The following WWOX variants were observed in gnomAD, a reference collection of about 807,000 sequenced individuals.
WWOX encodes WW domain-containing oxidoreductase.
Under a neutral mutation model 46.2 loss-of-function variants are expected in WWOX, and 69 were observed. The observed-to-expected ratio is 1.49, with a 90% CI of 1.23 to 1.82. The LOEUF is 1.82. WWOX is among the 40% of genes most tolerant of loss of function. The pLI, the probability that WWOX is intolerant of heterozygous loss-of-function variation, is 0.00. For synonymous variants in WWOX, 359 were observed against 202.6 expected (o/e 1.77, Z -6.56); for missense variants, 919 against 542.6 (o/e 1.69, Z -6.89).
intron 8 of WWOX, among the ~76,000 whole-genome samples, chr16:78,912,525 C>T (rs2045138703): frequency 6.6e-6 from 1 of 151,864 alleles, no homozygotes; most frequent in African/African-American, 2.4e-5. Flanking sequence ...GCCAGCTCCT[C>T]CGCTCTTCCC....
intron 5 of WWOX, among the ~76,000 whole-genome samples, chr16:78,334,463 A>G (rs2080832803): frequency 6.6e-6 from 1 of 152,204 alleles, no homozygotes; most frequent in Non-Finnish European, 1.5e-5. Flanking sequence ...TACAGCAAGC[A>G]CTTTCGGTGA....
At chr16:78,568,221 A>G (rs1018987530) in intron 8 of WWOX, among the ~76,000 whole-genome samples, 1 of 152,132 alleles carries the variant, frequency 6.6e-6, no homozygotes, top group Non-Finnish European at 1.5e-5. Context: ...TGTGCATAGT[A>G]ACTGCCTTGA....
intron 5 of WWOX, among the ~76,000 whole-genome samples, chr16:78,303,202 A>G (rs1597458992): frequency 6.6e-6 from 1 of 152,334 alleles, no homozygotes; most frequent in South Asian, 2.1e-4. Flanking sequence ...AATAAAATCT[A>G]TCTCTAATTT....
chr16:79,040,929 A>G (rs982595586), intron 8 of WWOX, among the ~76,000 whole-genome samples: 3 of 152,078 alleles, frequency 2.0e-5, no homozygotes, highest in African/African-American at 7.2e-5. Flanking sequence ...GGACGCATCC[A>G]TGGATGGAGC....
At chr16:79,059,579 C>G (rs1335978763) in intron 8 of WWOX, among the ~76,000 whole-genome samples, 8 of 152,208 alleles carry the variant, frequency 5.3e-5, no homozygotes. Flanking sequence ...CAGCCTCCGC[C>G]TTCCGGGTTC....
chr16:78,154,141 T>C (rs1329009199), intron 4 of WWOX, among the ~76,000 whole-genome samples: 1 of 152,180 alleles, frequency 6.6e-6, no homozygotes, highest in Non-Finnish European at 1.5e-5. Context: ...CAGGGCACCT[T>C]GGACACCTAG....
At chr16:78,218,107 T>G (rs928459241) in intron 5 of WWOX, among the ~76,000 whole-genome samples, 3 of 152,124 alleles carry the variant, frequency 2.0e-5, no homozygotes, top group African/African-American at 4.8e-5. Context: ...CAGGCTAGAA[T>G]GCAGTGGTGC....
chr16:78,199,735 T>TA (rs1029123225), intron 5 of WWOX, among the ~76,000 whole-genome samples: 7 of 151,952 alleles, frequency 4.6e-5, no homozygotes, highest in African/African-American at 1.5e-4. Flanking sequence ...CCCCTTCCCA[T>TA]AAAAAAAATC....
chr16:79,194,651 C>T (rs1193339975), intron 8 of WWOX, among the ~76,000 whole-genome samples: 1 of 152,194 alleles, frequency 6.6e-6, no homozygotes, highest in Non-Finnish European at 1.5e-5. Context: ...TGTGAACTGG[C>T]TCATTTCTCA....
At chr16:79,041,474 T>C (rs1336305498) in intron 8 of WWOX, among the ~76,000 whole-genome samples, 1 of 152,128 alleles carries the variant, frequency 6.6e-6, no homozygotes, top group African/African-American at 2.4e-5. Flanking sequence ...AGTTTCTCAT[T>C]AGGAACCTGG....
At chr16:78,846,491 C>T (rs371178162) in intron 8 of WWOX, among the ~76,000 whole-genome samples, 3 of 152,040 alleles carry the variant, frequency 2.0e-5, no homozygotes, top group Admixed American at 6.5e-5. Flanking sequence ...GTAGAATGCC[C>T]GTAATTTGGG....
intron 8 of WWOX, among the ~76,000 whole-genome samples, chr16:78,948,723 C>T (rs996120411): frequency 3.3e-5 from 5 of 152,174 alleles, no homozygotes; most frequent in East Asian, 1.9e-4. Flanking sequence ...CTTTGGCCCT[C>T]GACATCTCCT....
At chr16:78,110,661 C>T (rs1160541862) in intron 3 of WWOX, among the ~76,000 whole-genome samples, 1 of 152,200 alleles carries the variant, frequency 6.6e-6, no homozygotes, top group Non-Finnish European at 1.5e-5. Context: ...ATAGTAACCA[C>T]CTGTCCAACA....
intron 8 of WWOX, among the ~76,000 whole-genome samples, chr16:78,847,565 C>G (rs1336183379): frequency 1.3e-5 from 2 of 151,980 alleles, no homozygotes; most frequent in Non-Finnish European, 2.9e-5. Context: ...AAGTCCTGGG[C>G]TCAAGCGATT....
chr16:79,128,922 C>G (rs1468358107), intron 8 of WWOX, among the ~76,000 whole-genome samples: 3 of 152,150 alleles, frequency 2.0e-5, no homozygotes, highest in Non-Finnish European at 4.4e-5. Context: ...ACAAAGGTGC[C>G]ATTGTTGCCC....
At chr16:78,825,398 A>G in intron 8 of WWOX, 1 of 278,284 alleles carries the variant, frequency 3.6e-6, no homozygotes, top group Non-Finnish European at 7.4e-6. Flanking sequence ...GCTCAGGTTC[A>G]AGTTACACCC....
intron 8 of WWOX, among the ~76,000 whole-genome samples, chr16:79,159,383 G>T (rs1008228778): frequency 1.3e-5 from 2 of 152,162 alleles, no homozygotes; most frequent in Non-Finnish European, 2.9e-5. Flanking sequence ...TAGATGAATG[G>T]CATGTCATTT....
At chr16:78,217,571 G>C (rs182743537) in intron 5 of WWOX, among the ~76,000 whole-genome samples, 2 of 152,278 alleles carry the variant, frequency 1.3e-5, no homozygotes, top group East Asian at 1.9e-4. Context: ...TCTTCTCCCA[G>C]ATGCTGGGCT....
chr16:79,168,929 C>G (rs1029143308), intron 8 of WWOX, among the ~76,000 whole-genome samples: 4 of 152,170 alleles, frequency 2.6e-5, no homozygotes, highest in Admixed American at 6.5e-5. Flanking sequence ...AAAGGTTTTC[C>G]TTATACAAAC....
Sources: allele counts gnomAD v4.1 joint callset (sites outside exome capture counted in the v4.1 genomes callset), GRCh38; gene constraint gnomAD v4.1.1; transcripts MANE v1.5; gene names NCBI Gene and HGNC (gene_info 2026-07-23, HGNC 2026-07-21).